The following UNC93A variants were observed in gnomAD, a reference collection of about 807,000 sequenced individuals.
UNC93A encodes the protein N-acetylglucosamine transporter UNC93A.
Under a neutral mutation model 47.5 loss-of-function variants are expected in UNC93A, and 43 were observed. The observed-to-expected ratio is 0.91, with a 90% CI of 0.71 to 1.17. The LOEUF is 1.17. Among genes scored for constraint, UNC93A ranks in the 50% most tolerant of loss-of-function variants. UNC93A has a pLI of 0.00. For synonymous variants in UNC93A, 280 were observed against 258.0 expected, an observed-to-expected ratio of 1.09 and a Z score of -0.82; for missense variants, 605 against 577.6, an observed-to-expected ratio of 1.05 and a Z score of -0.49.
rs1410343678 is a variant in UNC93A at position 167,294,594 on chromosome 6, G to C, written c.165G>C (p.Met55Ile). The change falls in exon 2 of 8, where the codon ATG (methionine) becomes ATC (isoleucine). Residue 55 changes from methionine to isoleucine, a missense_variant. Transcript: ENST00000230256. ...ATGGAGGCATGCTCCTGTCCTCCAT[G>C]TTCCTCCCACCGCTCCTCATCGAGA... ...TLYGGMLLSSMFLPPLLIERL... is the reference protein window; with the variant it reads ...TLYGGMLLSSIFLPPLLIERL... The C allele has an allele frequency of 1.2e-6, 2 of 1,613,888 alleles. No individual in the cohort carries two copies. Among genetic ancestry groups the C allele is most frequent in the Non-Finnish European group, 1.7e-6 (2 of 1,179,964 alleles).
intron 1 of UNC93A, among the ~76,000 whole-genome samples, chr6:167,276,085 A>C (rs1783538614): frequency 1.4e-5 from 2 of 145,170 alleles, no homozygotes; most frequent in Non-Finnish European, 3.0e-5. Flanking sequence ...TTTAGCTCAC[A>C]CATATGAGTG....
chr6:167,310,073 G>A (rs1219674818), intron 7 of UNC93A, among the ~76,000 whole-genome samples: 5 of 152,110 alleles, frequency 3.3e-5, no homozygotes, highest in Admixed American at 6.5e-5. Flanking sequence ...ATGTCACCTC[G>A]CTGCAGGACT....
intron 4 of UNC93A, among the ~76,000 whole-genome samples, chr6:167,300,297 G>T (rs1158071974): frequency 6.6e-6 from 1 of 152,154 alleles, no homozygotes; most frequent in Non-Finnish European, 1.5e-5. Context: ...TTACAGAGAA[G>T]GGAGTATAGC....
chr6:167,297,461 T>C (rs892495840), intron 3 of UNC93A, among the ~76,000 whole-genome samples: 6 of 152,214 alleles, frequency 3.9e-5, no homozygotes, highest in East Asian at 1.9e-4. Flanking sequence ...CTAATTCAAA[T>C]TGTATTTTTC....
chr6:167,304,556 GTT>G (rs67933171), intron 5 of UNC93A, among the ~76,000 whole-genome samples: 39,528 of 150,114 alleles, frequency 0.26, 5,219 homozygotes, highest in Middle Eastern at 0.32. Flanking sequence ...TATCTCTCTA[GTT>G]TTTTTTTTTC....
At chr6:167,285,580 C>T (rs73262989) in intron 1 of UNC93A, among the ~76,000 whole-genome samples, 2,930 of 151,714 alleles carry the variant, frequency 0.019, 123 homozygotes, top group African/African-American at 0.067. Flanking sequence ...GGGCTGGAGT[C>T]GTGGAAGCGG....
chr6:167,312,128 G>C (rs1002422929), intron 7 of UNC93A, among the ~76,000 whole-genome samples: 1 of 152,128 alleles, frequency 6.6e-6, no homozygotes, highest in African/African-American at 2.4e-5. Flanking sequence ...TCTGTAGGCT[G>C]TTCCTTAATT....
chr6:167,273,865 T>C (rs1783493736), intron 1 of UNC93A, among the ~76,000 whole-genome samples: 1 of 151,798 alleles, frequency 6.6e-6, no homozygotes, highest in Admixed American at 6.6e-5. Flanking sequence ...GGATAAGGGG[T>C]TGTGGAGACC....
rs1778673599 is a variant in UNC93A at position 167,315,646 on chromosome 6, A to G, written c.*194A>G. 8 of 652,078 alleles carry G rather than the reference A, an allele frequency of 1.2e-5. No homozygotes were observed. In the South Asian group the frequency reaches 1.6e-4, roughly 13 times the overall value. 40.4% of individuals were successfully genotyped at this position (652,078 alleles called of 1,614,324 possible). ...AATTTTTCGTCCACCATCTTAACAG[A>G]GATCAAGTGTATACATGAAGGTATC... On this transcript the variant is annotated 3_prime_UTR_variant, in exon 8 of 8. Transcript: ENST00000230256.
At chr6:167,274,731 A>T (rs58217973) in intron 1 of UNC93A, among the ~76,000 whole-genome samples, 9,961 of 152,188 alleles carry the variant, frequency 0.065, 633 homozygotes, top group African/African-American at 0.17. Context: ...CCTTAAAAAC[A>T]ATACCAATGA....
At chr6:167,289,543 G>A (rs1246093622), upstream of UNC93A, among the ~76,000 whole-genome samples, 1 of 152,170 alleles carries the variant, frequency 6.6e-6, no homozygotes, top group Non-Finnish European at 1.5e-5. Flanking sequence ...GGCTGGGAAG[G>A]ATGGAAACAG....
chr6:167,295,623 C>T (rs1223518444), intron 2 of UNC93A, among the ~76,000 whole-genome samples: 1 of 110,732 alleles, frequency 9.0e-6, no homozygotes, highest in East Asian at 3.1e-4. Flanking sequence ...TCGCCTCCCT[C>T]GTGCTCCTCG....
chr6:167,271,658 C>G (rs1406812360), intron 1 of UNC93A, among the ~76,000 whole-genome samples: 3 of 152,146 alleles, frequency 2.0e-5, no homozygotes, highest in Non-Finnish European at 4.4e-5. Context: ...CCTAGGTTCT[C>G]TGGCTGAGGT....
At chr6:167,306,085 T>C in intron 6 of UNC93A, 35 bp downstream of exon 6, 3 of 1,610,776 alleles carry the variant, frequency 1.9e-6, no homozygotes, top group Non-Finnish European at 2.5e-6. Flanking sequence ...CCAGCTGTCA[T>C]AACGATTTGC....
At chr6:167,282,178 G>C (rs1783645028) in intron 1 of UNC93A, among the ~76,000 whole-genome samples, 1 of 152,142 alleles carries the variant, frequency 6.6e-6, no homozygotes, top group Non-Finnish European at 1.5e-5. Flanking sequence ...TGTAGAGCTG[G>C]GGGATGCCTC....
chr6:167,307,642 G>C, intron 6 of UNC93A, 137 bp from the exon 7 acceptor site: 2 of 1,064,408 alleles, frequency 1.9e-6, no homozygotes. Context: ...TGAGATGGTT[G>C]AGATGGTTGA....
chr6:167,307,098 G>A (rs1001643383), intron 6 of UNC93A, among the ~76,000 whole-genome samples: 2 of 152,166 alleles, frequency 1.3e-5, no homozygotes, highest in Admixed American at 1.3e-4. Context: ...ACTCGGAAAG[G>A]TGCTGGGATG....
At chr6:167,297,833 G>A (rs1778130865) in intron 3 of UNC93A, 112 bp from the exon 4 acceptor site, 2 of 1,394,216 alleles carry the variant, frequency 1.4e-6, no homozygotes, top group Non-Finnish European at 9.8e-7. Context: ...CTGTAGTGAT[G>A]CCTCCCCCCA....
At chr6:167,305,893 G>T in intron 5 of UNC93A, 22 bp from the exon 6 acceptor site, 1 of 1,614,032 alleles carries the variant, frequency 6.2e-7, no homozygotes, top group South Asian at 1.1e-5. Context: ...TCCATGACGT[G>T]GCTCTGCACC....
Sources: allele counts gnomAD v4.1 joint callset (sites outside exome capture counted in the v4.1 genomes callset), GRCh38; gene constraint gnomAD v4.1.1; transcripts MANE v1.5; gene names NCBI Gene and HGNC (gene_info 2026-07-23, HGNC 2026-07-21).